Variants in PDPR observed in about 807,000 individuals in gnomAD.
PDPR encodes pyruvate dehydrogenase phosphatase regulatory subunit, mitochondrial.
PDPR carries 50 observed loss-of-function variants against 102.2 expected under a neutral mutation model. The observed-to-expected ratio is 0.49, with a 90% CI of 0.39 to 0.62. The LOEUF is 0.62. PDPR is among the 20% of genes least tolerant of loss of function. The probability of loss-of-function intolerance (pLI) is 0.00; values close to 1 mark genes in which losing one functional copy is unlikely to be tolerated. For missense variants in PDPR, 625 were observed against 1,098.2 expected (o/e 0.57, Z 6.09); for synonymous variants, 259 against 406.0 (o/e 0.64, Z 4.35).
chr16:70,155,532 T>C (rs1339909214), intron 18 of PDPR, among the ~76,000 whole-genome samples: 1 of 152,252 alleles, frequency 6.6e-6, no homozygotes, highest in African/African-American at 2.4e-5. Context: ...GAGAATCACT[T>C]GAGCATGAGA....
chr16:70,117,837 A>C (rs1962802927), intron 2 of PDPR, among the ~76,000 whole-genome samples: 1 of 152,160 alleles, frequency 6.6e-6, no homozygotes, highest in Non-Finnish European at 1.5e-5. Flanking sequence ...TCACGCCTAT[A>C]ATCCCAGCAC....
At chr16:70,137,853 T>A (rs1965308998) in intron 10 of PDPR, among the ~76,000 whole-genome samples, 2 of 152,282 alleles carry the variant, frequency 1.3e-5, no homozygotes, top group Non-Finnish European at 2.9e-5. Flanking sequence ...TGTGTTTTAG[T>A]CTTATTTCTT....
chr16:70,126,715 A>G (rs1455582185), intron 3 of PDPR, among the ~76,000 whole-genome samples: 2 of 152,224 alleles, frequency 1.3e-5, no homozygotes, highest in Non-Finnish European at 2.9e-5. Flanking sequence ...TGGTAGAGAC[A>G]CAGTCTGGCT....
Position 70,153,375 on chromosome 16 carries a change from C to G in PDPR, c.2053-16C>G, listed in dbSNP as rs1466289179. ...TGAAGGTCTGCTGCTTATGAACTTT[C>G]TGTCTCTTCCTATAGTACGCCCTGC... is the stretch of plus-strand genomic sequence containing the variant. On this transcript the variant is annotated splice_polypyrimidine_tract_variant and intron_variant, in intron 17 of 18. Coordinates refer to ENST00000288050, the MANE Select transcript of PDPR (RefSeq NM_017990.5). 1 of 1,606,058 alleles carries G rather than the reference C, an allele frequency of 6.2e-7. No individual in the cohort carries two copies. The highest frequency in any genetic ancestry group is 1.1e-5 in the South Asian group (1 of 89,766).
intron 2 of PDPR, among the ~76,000 whole-genome samples, chr16:70,117,153 G>A (rs1357228037): frequency 6.8e-6 from 1 of 147,206 alleles, no homozygotes; most frequent in Non-Finnish European, 1.5e-5. Context: ...ATAAGGTTGT[G>A]AGGATTAAAT....
chr16:70,153,594 C>G (rs368275927), intron 18 of PDPR, 21 bp downstream of exon 18: 1 of 1,576,590 alleles, frequency 6.3e-7, no homozygotes, highest in Non-Finnish European at 8.6e-7. Flanking sequence ...TACCCAGACT[C>G]CACTTTCACT....
At chr16:70,146,376 T>C (rs907546736) in intron 16 of PDPR, 148 bp downstream of exon 16, 187 of 1,158,396 alleles carry the variant, frequency 1.6e-4, no homozygotes, top group Non-Finnish European at 2.2e-4. Context: ...CCTAGCACTT[T>C]GGGAGGCCGA....
At chr16:70,162,957 AT>A (rs373080334), downstream of PDPR, among the ~76,000 whole-genome samples, 6 of 150,600 alleles carry the variant, frequency 4.0e-5, no homozygotes, top group South Asian at 2.1e-4. Context: ...CTGTTCACTA[AT>A]TTTTTTTTTT....
In PDPR at chr16:70,153,491, T is replaced by A. The variant is rs777899207; in HGVS notation, c.2153T>A (p.Phe718Tyr). Residue 718 changes from phenylalanine to tyrosine, a missense_variant, in exon 18 of 19, where the codon TTT (phenylalanine) becomes TAT (tyrosine). Physicochemically the swap from Phe to Tyr is conservative, Grantham distance 22 (BLOSUM62 3). Around this residue, in one of 11 missense-constraint regions of PDPR, gnomAD observed 303 missense variants for 258.9 expected, o/e 1.17. Transcript: ENST00000288050. The part of the protein sequence containing the change: ...YALRSLRIEK[F>Y]FAFWGQDINN... ...CTTCGCAGTCTCCGAATTGAGAAGTTTTTTGCCTTCTGGGGTCAGGATATA... is the reference window on the plus strand; with the variant it reads ...CTTCGCAGTCTCCGAATTGAGAAGTATTTTGCCTTCTGGGGTCAGGATATA... 1.2e-6 allele frequency: 2 copies of A among 1,613,234 alleles called. No individual in the cohort carries two copies. The highest frequency in any genetic ancestry group is 2.7e-5 in the African/African-American group (2 of 74,948).
In PDPR at chr16:70,143,548, C is replaced by G. The variant is rs772082881; in HGVS notation, c.1644C>G (p.Leu548=). 4 of 1,613,680 alleles carry G rather than the reference C, an allele frequency of 2.5e-6. No individual in the cohort carries two copies. The East Asian group carries it at 6.7e-5, about 27-fold the overall frequency. ...AGGCATTAGAAGTTCTACAGTACCTCTTCTCCAATGACCTGGATGTGCCTG... is the reference window on the plus strand; with the variant it reads ...AGGCATTAGAAGTTCTACAGTACCTGTTCTCCAATGACCTGGATGTGCCTG... ...GDQALEVLQY[L]FSNDLDVPVG... The change falls in exon 14 of 19, where the codon CTC becomes CTG. Residue 548 remains leucine (L), a synonymous_variant. Transcript: ENST00000288050.
intron 2 of PDPR, among the ~76,000 whole-genome samples, chr16:70,118,412 G>C (rs1451397311): frequency 6.6e-6 from 1 of 152,240 alleles, no homozygotes; most frequent in Admixed American, 6.5e-5. Flanking sequence ...TACAGACAGA[G>C]GTCTGCCTGT....
rs1345589008 is a variant in PDPR, at chr16:70,114,441, G to A, written c.-143+1G>A. On this transcript the variant is annotated splice_donor_variant, in intron 1 of 18. Transcript: ENST00000288050. LOFTEE classifies it low-confidence loss of function (5UTR_SPLICE). ...CGCGGAGCCCGTGGGGACCGGTGAG[G>A]TAAGGAGATAGCTTCGGGGCAACTC... The A allele has an allele frequency of 6.6e-6, 1 of 152,208 alleles. No homozygotes were observed. Among genetic ancestry groups the A allele is most frequent in the Non-Finnish European group, 1.5e-5 (1 of 68,036 alleles). The allele number at this position is 152,208 out of a possible 1,614,324, so 9.4% of individuals were successfully genotyped here.
At chr16:70,118,134 G>C (rs1175686107) in intron 2 of PDPR, among the ~76,000 whole-genome samples, 2 of 151,906 alleles carry the variant, frequency 1.3e-5, no homozygotes, top group Non-Finnish European at 2.9e-5. Flanking sequence ...AGCAAAAAGG[G>C]AGGGAAACGT....
intron 9 of PDPR, 32 bp from the exon 10 acceptor site, chr16:70,136,162 G>A (rs2152091284): frequency 7.4e-7 from 1 of 1,358,782 alleles, no homozygotes; most frequent in South Asian, 1.2e-5. Flanking sequence ...TTAAAGGTGA[G>A]AACTCTATTT....
Position 70,146,231 on chromosome 16 carries a change from A to T in PDPR, c.1962+3A>T. 6.2e-7 allele frequency: 1 copy of T among 1,600,418 alleles called. No individual in the cohort carries two copies. Among genetic ancestry groups the T allele is most frequent in the Non-Finnish European group, 8.5e-7 (1 of 1,171,418 alleles). On this transcript the variant is annotated splice_donor_region_variant and intron_variant, in intron 16 of 18. Transcript: ENST00000288050. ...ACTTCCCAAGCCTCTTTTGCAAGGT[A>T]AGTGCTGATAAAGTTCTGTTTCTTA...
chr16:70,147,731 G>T, intron 16 of PDPR: 1 of 367,898 alleles, frequency 2.7e-6, no homozygotes, highest in Admixed American at 3.6e-5. Flanking sequence ...CCTACAAATT[G>T]TTTCACAGTT....
At chr16:70,137,158 C>G (rs1447906459) in intron 10 of PDPR, among the ~76,000 whole-genome samples, 4 of 152,212 alleles carry the variant, frequency 2.6e-5, no homozygotes, top group African/African-American at 9.6e-5. Flanking sequence ...CGAGACCACT[C>G]TGGCTAACAC....
At chr16:70,134,710 C>T (rs1250052626) in intron 9 of PDPR, among the ~76,000 whole-genome samples, 4 of 150,950 alleles carry the variant, frequency 2.6e-5, no homozygotes, top group South Asian at 2.1e-4. Context: ...TGCTGGAACC[C>T]GGGAGGCAGA....
intron 11 of PDPR, 93 bp downstream of exon 11, chr16:70,139,116 C>G: frequency 6.6e-7 from 1 of 1,508,880 alleles, no homozygotes; most frequent in Non-Finnish European, 8.9e-7. Context: ...TTCCTCAGTT[C>G]TTTAACAAGT....
Sources: gnomAD v4.1 joint callset for allele counts (sites outside exome capture counted in the v4.1 genomes callset) on GRCh38, gnomAD v4.1.1 for gene constraint, gnomAD v4.1.1 regional missense constraint, MANE v1.5 for transcripts, NCBI Gene and HGNC (gene_info 2026-07-23, HGNC 2026-07-21) for gene names.